The following FER variants were observed in gnomAD, a reference collection of about 807,000 sequenced individuals.
FER encodes the protein FER tyrosine kinase.
In FER, 63 loss-of-function variants were observed where a neutral mutation model predicts 111.0. The observed-to-expected ratio is 0.57, with a 90% CI of 0.46 to 0.70. FER has a LOEUF of 0.70. Ranked by LOEUF, FER falls within the 30% of genes least tolerant of loss-of-function variation. The probability of loss-of-function intolerance (pLI) is 0.00; values close to 1 mark genes in which losing one functional copy is unlikely to be tolerated. For missense variants in FER, 914 were observed against 954.0 expected, an observed-to-expected ratio of 0.96 and a Z score of 0.55; for synonymous variants, 327 against 313.9, an observed-to-expected ratio of 1.04 and a Z score of -0.44.
chr5:109,069,583 T>A (rs936724200), intron 16 of FER, among the ~76,000 whole-genome samples: 1 of 152,074 alleles, frequency 6.6e-6, no homozygotes, highest in Admixed American at 6.5e-5. Context: ...AGAGTTTAAT[T>A]TTAATAATTG....
In FER at chr5:108,942,703, A is replaced by G. The variant is rs182967262; in HGVS notation, c.1237-3427A>G. ...TACTTACTTATAAATGCATTTTTTTAAAATGAAGGACATACTGATATTTAC... is the reference window on the plus strand; with the variant it reads ...TACTTACTTATAAATGCATTTTTTTGAAATGAAGGACATACTGATATTTAC... On this transcript the variant is annotated intron_variant, in intron 10 of 19. Coordinates refer to ENST00000281092, the MANE Select transcript of FER (RefSeq NM_005246.4). 3.3e-5 allele frequency among the ~76,000 whole-genome samples: 5 copies of G among 152,278 alleles called. No individual in the cohort carries two copies. In the East Asian group the frequency reaches 9.7e-4, roughly 29 times the overall value.
intron 3 of FER, among the ~76,000 whole-genome samples, chr5:108,831,233 A>G (rs968847255): frequency 1.3e-5 from 2 of 152,198 alleles, no homozygotes; most frequent in Non-Finnish European, 2.9e-5. Flanking sequence ...TTTTGAAGAT[A>G]CAGCAAGAAG....
intron 2 of FER, among the ~76,000 whole-genome samples, chr5:108,790,561 G>T (rs531026768): frequency 6.6e-6 from 1 of 152,132 alleles, no homozygotes; most frequent in South Asian, 2.1e-4. Flanking sequence ...TCATTTTCAG[G>T]ATTTATAATA....
At chr5:109,035,428 A>T (rs1402197444) in intron 13 of FER, among the ~76,000 whole-genome samples, 2 of 152,202 alleles carry the variant, frequency 1.3e-5, no homozygotes, top group Non-Finnish European at 2.9e-5. Flanking sequence ...TTATTAACTC[A>T]GCAAAGTGAT....
At chr5:108,815,267 C>T (rs1427570512) in intron 3 of FER, among the ~76,000 whole-genome samples, 1 of 151,800 alleles carries the variant, frequency 6.6e-6, no homozygotes, top group Non-Finnish European at 1.5e-5. Context: ...GTAAATGTAC[C>T]TGTTATATTA....
chr5:108,906,522 G>A (rs924503225), intron 10 of FER, among the ~76,000 whole-genome samples: 9 of 145,338 alleles, frequency 6.2e-5, no homozygotes, highest in Non-Finnish European at 7.6e-5. Flanking sequence ...CTTTTATGAC[G>A]TTATTAGAGT....
At chr5:108,963,480 T>G (rs1378454974) in intron 13 of FER, among the ~76,000 whole-genome samples, 2 of 152,042 alleles carry the variant, frequency 1.3e-5, no homozygotes, top group East Asian at 3.9e-4. Context: ...GAGAATCACT[T>G]GAATCTGGGA....
At chr5:108,870,352 AAG>A (rs1764485705) in intron 6 of FER, among the ~76,000 whole-genome samples, 1 of 152,110 alleles carries the variant, frequency 6.6e-6, no homozygotes, top group South Asian at 2.1e-4. Context: ...ATTGCTTTAA[AAG>A]AGTTATTTAG....
At chr5:108,837,585 C>G (rs1035143147) in intron 5 of FER, among the ~76,000 whole-genome samples, 1 of 152,092 alleles carries the variant, frequency 6.6e-6, no homozygotes, top group Non-Finnish European at 1.5e-5. Context: ...GTATTTCGCA[C>G]TAGGTTTGTA....
intron 13 of FER, among the ~76,000 whole-genome samples, chr5:109,026,749 G>A (rs1358755841): frequency 6.6e-6 from 1 of 152,168 alleles, no homozygotes; most frequent in South Asian, 2.1e-4. Flanking sequence ...CCCAATCTTG[G>A]CTCACTGCAA....
At chr5:109,043,027 G>A (rs1234377014) in intron 14 of FER, among the ~76,000 whole-genome samples, 3 of 152,164 alleles carry the variant, frequency 2.0e-5, no homozygotes, top group Non-Finnish European at 2.9e-5. Context: ...GATGAGATCA[G>A]CTTAGGTAAT....
rs1274384886 is a variant in FER at position 109,193,062 on chromosome 5, G to C, written c.*5487G>C. 6.6e-6 allele frequency: 1 copy of C among 152,180 alleles called. No individual in the cohort carries two copies. Among genetic ancestry groups the C allele is most frequent in the East Asian group, 1.9e-4 (1 of 5,186 alleles). The allele number at this position is 152,180 out of a possible 1,614,324, so 9.4% of individuals were successfully genotyped here. A position where few individuals can be genotyped will look rare whatever the true frequency, so the allele number is the denominator to read the frequency against. On this transcript the variant is annotated 3_prime_UTR_variant, in exon 20 of 20. Transcript: ENST00000281092. ...GGAAACTAACCCTCACAAAGGGTTT[G>C]AGGAGCTTCCTGCTGTGTGTCCTTA...
At chr5:108,905,568 G>A (rs1041160626) in intron 10 of FER, among the ~76,000 whole-genome samples, 26 of 152,184 alleles carry the variant, frequency 1.7e-4, no homozygotes, top group Admixed American at 2.0e-4. Context: ...ACTTACCACA[G>A]GATTATTATG....
At chr5:109,063,085 A>G (rs1030995457) in intron 16 of FER, among the ~76,000 whole-genome samples, 12 of 151,536 alleles carry the variant, frequency 7.9e-5, no homozygotes, top group Admixed American at 7.3e-4. Flanking sequence ...TTAGGCTTAG[A>G]AATCTAGACA....
At chr5:109,154,183 G>C (rs187439076) in intron 17 of FER, among the ~76,000 whole-genome samples, 3 of 151,980 alleles carry the variant, frequency 2.0e-5, no homozygotes, top group Admixed American at 2.0e-4. Flanking sequence ...CAGATGTTTT[G>C]ACATTATACT....
chr5:108,822,496 T>C (rs905959842), intron 3 of FER, among the ~76,000 whole-genome samples: 1 of 152,162 alleles, frequency 6.6e-6, no homozygotes, highest in African/African-American at 2.4e-5. Context: ...AGTGGACATA[T>C]GCAAAGAGAG....
intron 13 of FER, among the ~76,000 whole-genome samples, chr5:108,991,759 T>C (rs1056171708): frequency 6.6e-6 from 1 of 152,122 alleles, no homozygotes; most frequent in African/African-American, 2.4e-5. Context: ...TTATAACCAC[T>C]TTAAAGCTCT....
At chr5:109,118,987 GT>G (rs1241128333) in intron 17 of FER, among the ~76,000 whole-genome samples, 1 of 149,896 alleles carries the variant, frequency 6.7e-6, no homozygotes, top group Non-Finnish European at 1.5e-5. Context: ...TTTTTGAAGG[GT>G]TTTTTGTGTC....
chr5:108,752,475 T>C (rs1039800402), intron 1 of FER, among the ~76,000 whole-genome samples: 1 of 151,988 alleles, frequency 6.6e-6, no homozygotes, highest in Non-Finnish European at 1.5e-5. Context: ...GGCTGTTACC[T>C]TAAATTAGAA....
Sources: allele counts gnomAD v4.1 joint callset (sites outside exome capture counted in the v4.1 genomes callset), GRCh38; gene constraint gnomAD v4.1.1; transcripts MANE v1.5; gene names NCBI Gene and HGNC (gene_info 2026-07-23, HGNC 2026-07-21).